XKR6: variants seen among roughly 807,000 people sequenced by gnomAD.
The protein encoded by XKR6 is XK-related protein 6.
XKR6 carries 22 observed loss-of-function variants against 56.7 expected under a neutral mutation model. That is an observed-to-expected ratio of 0.39 (90% CI 0.28 to 0.55). The LOEUF (loss-of-function observed/expected upper bound fraction) is 0.55. XKR6 is among the 20% of genes least tolerant of loss of function. The pLI, the probability that XKR6 is intolerant of heterozygous loss-of-function variation, is 0.66. For missense variants in XKR6, 852 were observed against 889.0 expected (o/e 0.96, Z 0.53); for synonymous variants, 524 against 387.8 (o/e 1.35, Z -4.13).
intron 1 of XKR6, among the ~76,000 whole-genome samples, chr8:11,187,450 T>C (rs1330695096): frequency 6.6e-6 from 1 of 152,182 alleles, no homozygotes; most frequent in African/African-American, 2.4e-5. Context: ...CTGCAACACA[T>C]GTCTCCGGGA....
intron 1 of XKR6, among the ~76,000 whole-genome samples, chr8:10,956,513 T>G (rs1801893615): frequency 6.6e-6 from 1 of 152,106 alleles, no homozygotes; most frequent in Non-Finnish European, 1.5e-5. Flanking sequence ...GGCCTCAACT[T>G]GGGAGCTCAG....
chr8:11,030,461 T>C (rs949096091), intron 1 of XKR6, among the ~76,000 whole-genome samples: 3 of 152,178 alleles, frequency 2.0e-5, no homozygotes, highest in Non-Finnish European at 4.4e-5. Flanking sequence ...AATCCTCAGA[T>C]TGCATACCCT....
intron 1 of XKR6, among the ~76,000 whole-genome samples, chr8:11,136,434 G>A (rs1188056961): frequency 6.6e-6 from 1 of 151,934 alleles, no homozygotes; most frequent in Non-Finnish European, 1.5e-5. Context: ...AACCCGGGGG[G>A]CGGAGGTTGT....
At chr8:11,041,126 C>T (rs913471822) in intron 1 of XKR6, among the ~76,000 whole-genome samples, 4 of 152,158 alleles carry the variant, frequency 2.6e-5, no homozygotes, top group Non-Finnish European at 4.4e-5. Context: ...GCCACTGAGA[C>T]GTTAGGGACA....
intron 1 of XKR6, among the ~76,000 whole-genome samples, chr8:11,177,928 T>A (rs1006425452): frequency 6.6e-6 from 1 of 152,238 alleles, no homozygotes; most frequent in Non-Finnish European, 1.5e-5. Flanking sequence ...AATGTCCTGC[T>A]CCACCTAAGC....
chr8:11,128,766 C>T (rs1162166880), intron 1 of XKR6: 1 of 443,928 alleles, frequency 2.3e-6, no homozygotes, highest in South Asian at 1.6e-5. Context: ...TTCTTTCCCT[C>T]ACATCCATTA....
At chr8:10,999,702 T>C (rs1382446872) in intron 1 of XKR6, among the ~76,000 whole-genome samples, 1 of 152,204 alleles carries the variant, frequency 6.6e-6, no homozygotes, top group Non-Finnish European at 1.5e-5. Flanking sequence ...CAACAAAGGA[T>C]GTTCTGCAGA....
chr8:11,153,132 A>T (rs575349694), intron 1 of XKR6, among the ~76,000 whole-genome samples: 1 of 152,342 alleles, frequency 6.6e-6, no homozygotes, highest in East Asian at 1.9e-4. Context: ...GTTTAATCCA[A>T]TGAAGAAACT....
intron 1 of XKR6, among the ~76,000 whole-genome samples, chr8:11,023,427 C>T (rs1201297105): frequency 1.3e-5 from 2 of 152,176 alleles, no homozygotes; most frequent in Non-Finnish European, 2.9e-5. Flanking sequence ...CCACCACACC[C>T]GACTAATTTT....
At chr8:11,108,563 C>G in intron 1 of XKR6, 1 of 346,958 alleles carries the variant, frequency 2.9e-6, no homozygotes, top group Non-Finnish European at 5.6e-6. Context: ...GGCCTTAGTG[C>G]CTTGGACTCT....
chr8:11,092,637 C>T (rs1376642696), intron 1 of XKR6, among the ~76,000 whole-genome samples: 1 of 152,102 alleles, frequency 6.6e-6, no homozygotes, highest in Non-Finnish European at 1.5e-5. Flanking sequence ...AAACAAGAGC[C>T]GGGAGACTGC....
chr8:11,114,897 C>G (rs1799096390), intron 1 of XKR6, among the ~76,000 whole-genome samples: 1 of 152,072 alleles, frequency 6.6e-6, no homozygotes, highest in Non-Finnish European at 1.5e-5. Flanking sequence ...AACATGAAAA[C>G]TAACCTTTTT....
intron 1 of XKR6, among the ~76,000 whole-genome samples, chr8:10,947,232 C>T (rs1801579405): frequency 6.6e-6 from 1 of 152,140 alleles, no homozygotes; most frequent in South Asian, 2.1e-4. Flanking sequence ...AATGAAGACA[C>T]GTCTGAGATT....
At chr8:10,946,113 C>T (rs1163334809) in intron 1 of XKR6, among the ~76,000 whole-genome samples, 1 of 152,038 alleles carries the variant, frequency 6.6e-6, no homozygotes, top group Non-Finnish European at 1.5e-5. Flanking sequence ...AGCTAAAGAC[C>T]TCCTGACCAC....
intron 1 of XKR6, among the ~76,000 whole-genome samples, chr8:11,003,124 T>A (rs1798283493): frequency 6.6e-6 from 1 of 152,158 alleles, no homozygotes; most frequent in Non-Finnish European, 1.5e-5. Context: ...TCAGGAAGCA[T>A]CAACCCACCA....
intron 2 of XKR6, among the ~76,000 whole-genome samples, chr8:10,903,049 C>T (rs1436655631): frequency 6.6e-6 from 1 of 152,154 alleles, no homozygotes; most frequent in Non-Finnish European, 1.5e-5. Context: ...GAACAGGTTT[C>T]TACTGGATGC....
At chr8:10,937,071 CCCA>C (rs1318382248) in intron 1 of XKR6, among the ~76,000 whole-genome samples, 2,211 of 106,628 alleles carry the variant, frequency 0.021, 47 homozygotes, top group African/African-American at 0.081. Flanking sequence ...TTCACATAGT[CCCA>C]TATTTCTTGG....
chr8:10,924,945 C>T, intron 1 of XKR6, 115 bp from the exon 2 acceptor site: 2 of 1,152,774 alleles, frequency 1.7e-6, no homozygotes, highest in South Asian at 1.6e-5. Context: ...TCCCTATGCT[C>T]TGAAGTTCCC....
chr8:10,931,323 G>T (rs1801043869), intron 1 of XKR6, among the ~76,000 whole-genome samples: 2 of 152,056 alleles, frequency 1.3e-5, no homozygotes, highest in Admixed American at 1.3e-4. Context: ...GGGATTGGAA[G>T]ATGCAATATA....
Sources: allele counts gnomAD v4.1 joint callset (sites outside exome capture counted in the v4.1 genomes callset), GRCh38; gene constraint gnomAD v4.1.1; transcripts MANE v1.5; gene names NCBI Gene and HGNC (gene_info 2026-07-23, HGNC 2026-07-21).